The following CCDC192 variants were observed in gnomAD, a reference collection of about 807,000 sequenced individuals.
CCDC192 encodes coiled-coil domain containing 192, also known as coiled-coil domain-containing protein 192.
At chr5:127,922,102 G>C (rs1385795612) in intron 6 of CCDC192, among the ~76,000 whole-genome samples, 1 of 152,120 alleles carries the variant, frequency 6.6e-6, no homozygotes, top group South Asian at 2.1e-4. Flanking sequence ...ATATCAACAT[G>C]TTACAATGAA....
At chr5:127,917,108 A>G (rs375480311) in intron 6 of CCDC192, among the ~76,000 whole-genome samples, 2 of 152,180 alleles carry the variant, frequency 1.3e-5, no homozygotes, top group South Asian at 2.1e-4. Flanking sequence ...CTTTTGTGTT[A>G]TGGAAACAGC....
chr5:127,740,982 A>T (rs938964771), intron 2 of CCDC192, among the ~76,000 whole-genome samples: 1 of 152,200 alleles, frequency 6.6e-6, no homozygotes, highest in Non-Finnish European at 1.5e-5. Context: ...CAAATGGCAA[A>T]CGTATTTGCA....
chr5:127,912,994 C>G (rs1486592230), intron 6 of CCDC192, among the ~76,000 whole-genome samples: 1 of 152,176 alleles, frequency 6.6e-6, no homozygotes, highest in Non-Finnish European at 1.5e-5. Flanking sequence ...CTTTTCCATG[C>G]CCTATTGACA....
Position 127,875,612 on chromosome 5 carries a change from A to G in CCDC192, c.486A>G (p.Glu162=). Reference sequence around the variant, plus strand: ...CAGCTAATGCCATCACAGTTCTGGAACTCAATGAGAAGATAAAGACTCTAT... The same window carrying G: ...CAGCTAATGCCATCACAGTTCTGGAGCTCAATGAGAAGATAAAGACTCTAT... The part of the protein sequence containing the change: ...LATANAITVL[E]LNEKIKTLYE... The change falls in exon 6 of 7, where the codon GAA becomes GAG. Residue 162 remains glutamate, a synonymous_variant. Coordinates refer to ENST00000514853, the MANE Select transcript of CCDC192 (RefSeq NM_001317938.2). 1 of 398,802 alleles carries G rather than the reference A, an allele frequency of 2.5e-6. No individual in the cohort carries two copies. The highest frequency in any genetic ancestry group is 4.4e-6 in the Non-Finnish European group (1 of 226,010). 24.7% of individuals were successfully genotyped at this position (398,802 alleles called of 1,614,324 possible).
chr5:127,743,524 A>G (rs962096404), intron 2 of CCDC192, among the ~76,000 whole-genome samples: 7 of 152,208 alleles, frequency 4.6e-5, no homozygotes, highest in Admixed American at 2.0e-4. Flanking sequence ...AGTCAGATAT[A>G]GACCATGCCT....
intron 6 of CCDC192, among the ~76,000 whole-genome samples, chr5:127,905,048 A>ATC (rs1753158827): frequency 6.6e-6 from 1 of 152,086 alleles, no homozygotes; most frequent in African/African-American, 2.4e-5. Flanking sequence ...AATATCCTGA[A>ATC]TCCCTGGGCT....
rs1371781657 is a variant in CCDC192, at chr5:127,833,237, CCTCTA to C, written c.411+35081_411+35085del. Among the ~76,000 whole-genome samples, 5 of 152,186 alleles carry C rather than the reference CCTCTA, an allele frequency of 3.3e-5. No homozygotes were observed. In the South Asian group the frequency reaches 8.3e-4, roughly 25 times the overall value. ...ATTCTCCTATGGCATATAATTTATA[CCTCTA>C]CTCTATCATTTTTATTGTTTGAATT... On this transcript the variant is annotated intron_variant, in intron 5 of 6. Transcript: ENST00000514853.
intron 3 of CCDC192, among the ~76,000 whole-genome samples, chr5:127,764,776 A>T (rs10036011): frequency 2.0e-5 from 3 of 152,228 alleles, no homozygotes; most frequent in African/African-American, 7.2e-5. Context: ...TACTGTTTTA[A>T]GAAAGTTTAC....
At chr5:127,731,955 T>A (rs1156817930) in intron 2 of CCDC192, among the ~76,000 whole-genome samples, 1 of 152,072 alleles carries the variant, frequency 6.6e-6, no homozygotes, top group African/African-American at 2.4e-5. Flanking sequence ...TAGCAAAGAT[T>A]TAATGACTAA....
At chr5:127,835,095 A>G (rs1749974961) in intron 5 of CCDC192, among the ~76,000 whole-genome samples, 1 of 151,858 alleles carries the variant, frequency 6.6e-6, no homozygotes, top group South Asian at 2.1e-4. Flanking sequence ...TATTTAAGCT[A>G]AAAGGCAGGA....
chr5:127,741,097 A>G (rs982772639), intron 2 of CCDC192, among the ~76,000 whole-genome samples: 7 of 152,024 alleles, frequency 4.6e-5, no homozygotes, highest in African/African-American at 9.7e-5. Flanking sequence ...TTCTTGCTCT[A>G]TCATCCAAGC....
chr5:127,710,532 A>G (rs1275940033), intron 2 of CCDC192, among the ~76,000 whole-genome samples: 2 of 152,114 alleles, frequency 1.3e-5, no homozygotes, highest in African/African-American at 2.4e-5. Flanking sequence ...TAAACTGTGC[A>G]TTCCTAGAGA....
intron 6 of CCDC192, among the ~76,000 whole-genome samples, chr5:127,925,964 G>C (rs1292032207): frequency 6.6e-6 from 1 of 152,160 alleles, no homozygotes; most frequent in East Asian, 1.9e-4. Context: ...AGCAAATCAG[G>C]CAGCCCCCAG....
chr5:127,812,318 G>A (rs1308982266), intron 5 of CCDC192, among the ~76,000 whole-genome samples: 1 of 152,120 alleles, frequency 6.6e-6, no homozygotes, highest in African/African-American at 2.4e-5. Flanking sequence ...GTTCAGCATC[G>A]TGATTATCTG....
At chr5:127,849,832 G>A (rs915580121) in intron 5 of CCDC192, among the ~76,000 whole-genome samples, 2 of 152,140 alleles carry the variant, frequency 1.3e-5, no homozygotes, top group Non-Finnish European at 2.9e-5. Context: ...ATTTTTTTGT[G>A]AAGAAGAATC....
At chr5:127,848,999 G>A (rs778919424) in intron 5 of CCDC192, among the ~76,000 whole-genome samples, 43 of 152,178 alleles carry the variant, frequency 2.8e-4, no homozygotes, top group Non-Finnish European at 5.3e-4. Flanking sequence ...GGAGGCTGAG[G>A]CGGGCAGATC....
At chr5:127,899,809 C>T (rs1752990805) in intron 6 of CCDC192, among the ~76,000 whole-genome samples, 1 of 152,276 alleles carries the variant, frequency 6.6e-6, no homozygotes, top group East Asian at 1.9e-4. Context: ...ACCCAAATAC[C>T]CTGAATGTAC....
intron 5 of CCDC192, among the ~76,000 whole-genome samples, chr5:127,860,961 C>T (rs1437316267): frequency 2.0e-5 from 3 of 152,130 alleles, no homozygotes; most frequent in Non-Finnish European, 4.4e-5. Context: ...GTTAAGTAGA[C>T]ACAGGGATTA....
At chr5:127,793,360 A>G (rs1028197941) in intron 3 of CCDC192, among the ~76,000 whole-genome samples, 1 of 152,222 alleles carries the variant, frequency 6.6e-6, no homozygotes, top group African/African-American at 2.4e-5. Flanking sequence ...TATAAAAGGA[A>G]GCAAGATGGT....
Sources: gnomAD v4.1 joint callset for allele counts (sites outside exome capture counted in the v4.1 genomes callset) on GRCh38, gnomAD v4.1.1 for gene constraint, MANE v1.5 for transcripts, NCBI Gene and HGNC (gene_info 2026-07-23, HGNC 2026-07-21) for gene names.